SOD2: variants seen among roughly 807,000 people sequenced by gnomAD.
SOD2 encodes superoxide dismutase 2.
SOD2 carries 11 observed loss-of-function variants against 27.0 expected under a neutral mutation model. The observed-to-expected ratio is 0.41, with a 90% CI of 0.26 to 0.67. The LOEUF (loss-of-function observed/expected upper bound fraction) is 0.67. SOD2 is among the 30% of genes least tolerant of loss of function. The pLI, the probability that SOD2 is intolerant of heterozygous loss-of-function variation, is 0.34. For missense variants in SOD2, 250 were observed against 274.5 expected (o/e 0.91, Z 0.63); for synonymous variants, 105 against 103.0 (o/e 1.02, Z -0.12).
At chr6:159,737,770 G>C (rs952695421) in intron 1 of SOD2, among the ~76,000 whole-genome samples, 6 of 152,204 alleles carry the variant, frequency 3.9e-5, no homozygotes, top group Non-Finnish European at 7.3e-5. Context: ...GGAGGCATGA[G>C]CCACAATGCC....
At chr6:159,711,790 T>C (rs62437333) in intron 1 of SOD2, among the ~76,000 whole-genome samples, 1,406 of 16,064 alleles carry the variant, frequency 0.088, 39 homozygotes, top group South Asian at 0.12. Context: ...ACCACTCACA[T>C]TGCTCTGATC....
chr6:159,760,779 G>A (rs535542302), intron 1 of SOD2: 25 of 152,400 alleles, frequency 1.6e-4, no homozygotes, highest in African/African-American at 5.8e-4. Flanking sequence ...GAAGTGGCCA[G>A]GGAGTAAGGG....
At chr6:159,727,039 G>T in intron 1 of SOD2, 5 of 1,226,608 alleles carry the variant, frequency 4.1e-6, no homozygotes, top group Non-Finnish European at 5.2e-6. Flanking sequence ...AGGTGGCCCC[G>T]GCGAGTACTT....
chr6:159,745,437 CTT>C (rs34144985), upstream of SOD2, among the ~76,000 whole-genome samples: 28 of 145,024 alleles, frequency 1.9e-4, no homozygotes, highest in Admixed American at 2.1e-4. Flanking sequence ...CCTTTTCCAG[CTT>C]TTTTTTTTTT....
upstream of SOD2, chr6:159,748,703 CAG>C (rs1779709284): frequency 8.0e-7 from 1 of 1,251,642 alleles, no homozygotes; most frequent in Non-Finnish European, 1.0e-6. This position sits in a 1 kb window ranked among gnomAD's most constrained non-coding sequence, Gnocchi z 5.6. Context: ...GAGGGAGAAA[CAG>C]AAGTCTTAAG....
At chr6:159,685,128 TAGGGCCCAAGA>T (rs1204822212) in intron 3 of SOD2, 95 bp from the exon 4 acceptor site, 1 of 791,702 alleles carries the variant, frequency 1.3e-6, no homozygotes, top group Non-Finnish European at 1.8e-6. Flanking sequence ...ATTTTTGTCA[TAGGGCCCAAGA>T]AATTAGACAA....
chr6:159,728,366 A>T (rs896790784), upstream of SOD2, among the ~76,000 whole-genome samples: 3 of 152,208 alleles, frequency 2.0e-5, no homozygotes, highest in Non-Finnish European at 4.4e-5. Context: ...TTGATCCCAA[A>T]GGATTAGCTT....
chr6:159,677,837 T>C lies in SOD2; in HGVS notation c.*4656A>G, dbSNP rs1010920582. On this transcript the variant is annotated 3_prime_UTR_variant, in exon 5 of 5. Coordinates refer to ENST00000538183, the MANE Select transcript of SOD2 (RefSeq NM_000636.4). ...GTGATCATGTTATTTATAAGAAATA[T>C]ATATATTGTCTCAATCCTTGCTTGG... is the stretch of plus-strand genomic sequence containing the variant. 2 of 152,172 alleles carry C rather than the reference T, an allele frequency of 1.3e-5. No individual in the cohort carries two copies. Among genetic ancestry groups the C allele is most frequent in the Admixed American group, 6.5e-5 (1 of 15,272 alleles). 9.4% of individuals were successfully genotyped at this position (152,172 alleles called of 1,614,324 possible).
At chr6:159,742,213 A>G in intron 1 of SOD2, 3 of 1,355,542 alleles carry the variant, frequency 2.2e-6, no homozygotes, top group Non-Finnish European at 3.1e-6. Context: ...TCAAAAGGAT[A>G]GTTGTTTTTA....
chr6:159,700,095 T>C (rs1165243500), intron 1 of SOD2, among the ~76,000 whole-genome samples: 2 of 152,214 alleles, frequency 1.3e-5, no homozygotes, highest in African/African-American at 4.8e-5. Flanking sequence ...ATATTTAGTT[T>C]GAGGAACTAG....
chr6:159,691,633 A>C (rs1373143681), intron 2 of SOD2: 8 of 152,198 alleles, frequency 5.3e-5, no homozygotes, highest in Non-Finnish European at 1.0e-4. Flanking sequence ...TATTTTGTAA[A>C]AAACGTTAAA....
At chr6:159,713,752 AT>A in intron 1 of SOD2, 4 of 935,656 alleles carry the variant, frequency 4.3e-6, no homozygotes, top group Non-Finnish European at 7.1e-6. Flanking sequence ...ACTTCAACGT[AT>A]CTGTGTCCCA....
intron 1 of SOD2, among the ~76,000 whole-genome samples, chr6:159,718,501 G>C (rs2114834599): frequency 6.6e-6 from 1 of 152,158 alleles, no homozygotes. Flanking sequence ...AAAAAACTTA[G>C]AATGTCAGAA....
rs530700006 is a variant in SOD2 at position 159,732,494 on chromosome 6, T to TA, written c.-116+12635dup. Among the ~76,000 whole-genome samples the TA allele has an allele frequency of 1.8e-4, 28 of 152,324 alleles. No individual in the cohort carries two copies. The East Asian group carries it at 4.8e-3, about 26-fold the overall frequency. On this transcript the variant is annotated intron_variant, in intron 1 of 3. Transcript: ENST00000537657. Reference sequence around the variant, plus strand: ...TACAGATACTGATATACCGGTTAAATATGTACAGCTCAAATAGCTAAAATT... The same window carrying TA: ...TACAGATACTGATATACCGGTTAAATAATGTACAGCTCAAATAGCTAAAATT...
In SOD2 at chr6:159,670,925, GCA is replaced by G. The variant is rs1361344776; in HGVS notation, c.*11566_*11567del. 1 of 152,288 alleles carries G rather than the reference GCA, an allele frequency of 6.6e-6. No homozygotes were observed. Among genetic ancestry groups the G allele is most frequent in the Non-Finnish European group, 1.5e-5 (1 of 68,124 alleles). The allele number at this position is 152,288 out of a possible 1,614,324, so 9.4% of individuals were successfully genotyped here. ...GTTTTTCCAATGGTCTTAGCAAACG[GCA>G]CACCAGGAGATTATATCCTGTGCCT... is the stretch of plus-strand genomic sequence containing the variant. On this transcript the variant is annotated 3_prime_UTR_variant, in exon 5 of 5. Coordinates refer to ENST00000538183, the MANE Select transcript of SOD2 (RefSeq NM_000636.4).
Position 159,692,860 on chromosome 6 carries a change from G to A in SOD2, c.27C>T (p.Thr9=), listed in dbSNP as rs1777295337. 5 of 1,604,622 alleles carry A rather than the reference G, an allele frequency of 3.1e-6. No individual in the cohort carries two copies. The South Asian group carries it at 4.4e-5, about 14-fold the overall frequency. Reference sequence around the variant, plus strand: ...CCAAAACCGGAGCCAGCTGCCTGCTGGTGCTGAAGACGAGAAAGCACAGCC... The same window carrying A: ...CCAAAACCGGAGCCAGCTGCCTGCTAGTGCTGAAGACGAGAAAGCACAGCC... The part of the protein sequence containing the change: MLSRAVCG[T]SRQLAPVLGY... The change falls in exon 2 of 5, where the codon ACC becomes ACT. Residue 9 remains threonine, a synonymous_variant. Coordinates refer to ENST00000538183, the MANE Select transcript of SOD2 (RefSeq NM_000636.4).
upstream of SOD2, chr6:159,727,464 A>G (rs1366638875): frequency 1.7e-5 from 16 of 966,212 alleles, no homozygotes; most frequent in African/African-American, 2.1e-5. Flanking sequence ...GGCGGAGCGG[A>G]GCCGTGCGGC....
intron 2 of SOD2, among the ~76,000 whole-genome samples, chr6:159,690,504 T>A (rs1291375422): frequency 2.0e-5 from 3 of 152,020 alleles, no homozygotes; most frequent in Non-Finnish European, 2.9e-5. Context: ...TGAAACAAGC[T>A]CCAGTTGTTT....
intron 1 of SOD2, among the ~76,000 whole-genome samples, chr6:159,705,370 T>C (rs1777603727): frequency 6.6e-6 from 1 of 152,000 alleles, no homozygotes; most frequent in Admixed American, 6.6e-5. Context: ...TTAAAAACCA[T>C]GAAAAAAGAT....
Sources: allele counts gnomAD v4.1 joint callset (sites outside exome capture counted in the v4.1 genomes callset), GRCh38; gene constraint gnomAD v4.1.1; non-coding constraint Gnocchi (gnomAD v3.1); transcripts MANE v1.5; gene names NCBI Gene and HGNC (gene_info 2026-07-23, HGNC 2026-07-21).